AXDND1: variants seen among roughly 807,000 people sequenced by gnomAD.
The protein encoded by AXDND1 is axonemal dynein light chain domain containing 1, also known as axonemal dynein light chain domain-containing protein 1.
AXDND1 carries 110 observed loss-of-function variants against 137.5 expected under a neutral mutation model. That is an observed-to-expected ratio of 0.80 (90% CI 0.69 to 0.94). The LOEUF is 0.94. Ranked by LOEUF, AXDND1 falls within the 40% of genes least tolerant of loss-of-function variation. The pLI is 0.00. For synonymous variants in AXDND1, 414 were observed against 399.7 expected (o/e 1.04, Z -0.43); for missense variants, 1,191 against 1,169.8 (o/e 1.02, Z -0.26).
chr1:179,500,337 ATGTGTGTGTGTGTGTGTGTGTG>A (rs57654195), intron 20 of AXDND1, among the ~76,000 whole-genome samples: 2 of 133,814 alleles, frequency 1.5e-5, no homozygotes, highest in African/African-American at 2.8e-5. Context: ...AGGGTACATT[ATGTGTGTGTGTGTGTGTGTGTG>A]TGTGTGTGTG....
intron 7 of AXDND1, 35 bp downstream of exon 7, chr1:179,382,791 A>C: frequency 2.0e-6 from 3 of 1,492,704 alleles, no homozygotes; most frequent in Non-Finnish European, 1.9e-6. Flanking sequence ...TCTTTCTCAG[A>C]AAGAATACCT....
intron 20 of AXDND1, among the ~76,000 whole-genome samples, chr1:179,508,253 T>A (rs1052252900): frequency 6.6e-6 from 1 of 151,772 alleles, no homozygotes; most frequent in Admixed American, 6.6e-5. Flanking sequence ...GGAGGATCAC[T>A]TGAGCTTAGT....
In AXDND1 at chr1:179,492,858, T is replaced by C; in HGVS notation, c.2295T>C (p.Cys765=). 1 of 1,594,540 alleles carries C rather than the reference T, an allele frequency of 6.3e-7. No homozygotes were observed. Among genetic ancestry groups the C allele is most frequent in the East Asian group, 2.3e-5 (1 of 44,344 alleles). The part of the protein sequence containing the change: ...LYQYSSYLSS[C]CKGMVTAMAL... ...CTTTTTTTCCCCCTTTTTGCAGTTG[T>C]TGCAAAGGGATGGTAACAGCAATGG... Residue 765 remains cysteine, a synonymous_variant, in exon 20 of 26, where the codon TGT becomes TGC. Transcript: ENST00000367618.
intron 16 of AXDND1, among the ~76,000 whole-genome samples, chr1:179,461,233 T>A (rs1044531656): frequency 6.6e-6 from 1 of 152,160 alleles, no homozygotes; most frequent in Non-Finnish European, 1.5e-5. Context: ...TTGTATAAGG[T>A]GTAAGGAAGG....
At chr1:179,380,872 G>A (rs1353964534) in intron 6 of AXDND1, among the ~76,000 whole-genome samples, 1 of 152,020 alleles carries the variant, frequency 6.6e-6, no homozygotes, top group African/African-American at 2.4e-5. Context: ...TTGAGTCACT[G>A]GTTGTTTACA....
chr1:179,385,300 A>G lies in AXDND1; in HGVS notation c.804A>G (p.Glu268=), dbSNP rs1236133090. 2 of 1,613,540 alleles carry G rather than the reference A, an allele frequency of 1.2e-6. No homozygotes were observed. The highest frequency in any genetic ancestry group is 1.7e-6 in the Non-Finnish European group (2 of 1,179,470). ...EQTIYNMIFH[E]LIRQVSVDCA... The stretch of plus-strand genomic sequence containing the variant: ...CCATTTACAACATGATATTTCATGA[A>G]CTTATTCGACAAGTCAGTGTGGACT... The change falls in exon 9 of 26, where the codon GAA becomes GAG. Residue 268 remains glutamate, a synonymous_variant. Transcript: ENST00000367618.
intron 11 of AXDND1, among the ~76,000 whole-genome samples, chr1:179,406,739 T>A (rs150825330): frequency 1.8e-4 from 28 of 152,254 alleles, no homozygotes; most frequent in African/African-American, 6.5e-4. Context: ...TTAGGCTATA[T>A]ATGTTTTCGC....
chr1:179,416,529 C>G lies in AXDND1; in HGVS notation c.1230+5263C>G, dbSNP rs541617022. Reference sequence around the variant, plus strand: ...ACAGTGGCTATACTAATTTACATTCCCACCAACAGCGTACAAGTGGAGACA... The same window carrying G: ...ACAGTGGCTATACTAATTTACATTCGCACCAACAGCGTACAAGTGGAGACA... On this transcript the variant is annotated intron_variant, in intron 12 of 25. Transcript: ENST00000367618. 1.8e-3 allele frequency among the ~76,000 whole-genome samples: 277 copies of G among 152,252 alleles called. 2 individuals carry two copies. Among genetic ancestry groups the G allele is most frequent in the Non-Finnish European group, 3.0e-3 (201 of 68,028 alleles).
In AXDND1 at chr1:179,459,816, CTTCT is replaced by C. The variant is rs1165889056; in HGVS notation, c.1799-8626_1799-8623del. On this transcript the variant is annotated intron_variant, in intron 16 of 25. Coordinates refer to ENST00000367618, the MANE Select transcript of AXDND1 (RefSeq NM_144696.6). ...CTCTCTCTCTTTCTTTCCTTCCTTC[CTTCT>C]CTTTTTCTTTTCTTTTCTTTCCCTT... Among the ~76,000 whole-genome samples the C allele has an allele frequency of 1.4e-4, 14 of 98,816 alleles. 2 individuals carry two copies. The highest frequency in any genetic ancestry group is 2.4e-4 in the Non-Finnish European group (12 of 50,862). 64.8% of individuals were successfully genotyped at this position (98,816 alleles called of 152,430 possible).
chr1:179,366,498 G>A lies in AXDND1; in HGVS notation c.-12G>A. 1 of 1,590,220 alleles carries A rather than the reference G, an allele frequency of 6.3e-7. No individual in the cohort carries two copies. The highest frequency in any genetic ancestry group is 8.6e-7 in the Non-Finnish European group (1 of 1,158,622). ...TTTCAAATTACTAAAGAGATAGGAG[G>A]CATTGTTTATTATGTCTCTCCCGAA... On this transcript the variant is annotated 5_prime_UTR_variant, in exon 2 of 26. Transcript: ENST00000367618.
At chr1:179,491,802 CAGT>C (rs1666930236) in intron 19 of AXDND1, 65 bp downstream of exon 19, 12 of 1,347,156 alleles carry the variant, frequency 8.9e-6, no homozygotes, top group Middle Eastern at 1.9e-4. Context: ...AGAGAAGAGA[CAGT>C]GAAGTAGTAG....
intron 16 of AXDND1, among the ~76,000 whole-genome samples, chr1:179,465,889 G>A (rs1663088579): frequency 6.6e-6 from 1 of 152,208 alleles, no homozygotes; most frequent in Non-Finnish European, 1.5e-5. Flanking sequence ...CTAGCAGTGA[G>A]TGAGTCTCTG....
At chr1:179,509,769 A>G (rs1320004758) in intron 21 of AXDND1, among the ~76,000 whole-genome samples, 2 of 152,012 alleles carry the variant, frequency 1.3e-5, no homozygotes, top group Non-Finnish European at 2.9e-5. Context: ...CGAGCACTTA[A>G]TCCCATGTCC....
intron 25 of AXDND1, chr1:179,544,539 G>A (rs1352068737): frequency 6.6e-6 from 1 of 151,864 alleles, no homozygotes; most frequent in Non-Finnish European, 1.5e-5. Context: ...CAGGCATGGT[G>A]GTGCGCACTT....
rs758092613 is a variant in AXDND1, at chr1:179,551,167, T to C, written c.3032-3345T>C. 3 of 1,613,886 alleles carry C rather than the reference T, an allele frequency of 1.9e-6. 1 individual carries two copies. Among genetic ancestry groups the C allele is most frequent in the South Asian group, 2.2e-5 (2 of 91,082 alleles). On this transcript the variant is annotated intron_variant, in intron 25 of 25. Coordinates refer to ENST00000367618, the MANE Select transcript of AXDND1 (RefSeq NM_144696.6). Reference sequence around the variant, plus strand: ...CCCTTTACAGTCACATTATGCCCCATCCTTCCTATAACATGGGAGAGTCTT... The same window carrying C: ...CCCTTTACAGTCACATTATGCCCCACCCTTCCTATAACATGGGAGAGTCTT...
intron 25 of AXDND1, among the ~76,000 whole-genome samples, chr1:179,539,311 T>C (rs1171452986): frequency 6.6e-6 from 1 of 152,242 alleles, no homozygotes; most frequent in East Asian, 1.9e-4. Flanking sequence ...TTGGCATGTT[T>C]TTGCAGTGAC....
Position 179,468,600 on chromosome 1 carries a change from T to C in AXDND1, c.1956T>C (p.Leu652=). 6.2e-7 allele frequency: 1 copy of C among 1,612,432 alleles called. No homozygotes were observed. The highest frequency in any genetic ancestry group is 1.1e-5 in the South Asian group (1 of 90,880). ...CACACTTGGATATATTGTTAAACCT[T>C]ACTGGTATTGTTCCACAGCACATAG... ...MKSHLDILLN[L]TGIVPQHIDV... Residue 652 remains leucine (L), a synonymous_variant, in exon 17 of 26, where the codon CTT becomes CTC. Transcript: ENST00000367618.
At position 179,492,247 on chromosome 1, in the gene AXDND1, G is replaced by A. The variant is rs1213448850; in HGVS notation, c.2291+510G>A. Among the ~76,000 whole-genome samples the A allele has an allele frequency of 2.0e-5, 3 of 151,996 alleles. No individual in the cohort carries two copies. In the East Asian group the frequency reaches 5.8e-4, roughly 29 times the overall value. Reference sequence around the variant, plus strand: ...GCACCACGATGCCTGGGTAATTTTTGTATTTTTAGTAGAGGTAGAGTTTTG... The same window carrying A: ...GCACCACGATGCCTGGGTAATTTTTATATTTTTAGTAGAGGTAGAGTTTTG... On this transcript the variant is annotated intron_variant, in intron 19 of 25. Coordinates refer to ENST00000367618, the MANE Select transcript of AXDND1 (RefSeq NM_144696.6).
At chr1:179,465,511 A>T (rs943907823) in intron 16 of AXDND1, among the ~76,000 whole-genome samples, 2 of 152,172 alleles carry the variant, frequency 1.3e-5, no homozygotes, top group African/African-American at 4.8e-5. Context: ...ACCTGGCCGT[A>T]TGAGGTGTCA....
Sources: gnomAD v4.1 joint callset for allele counts (sites outside exome capture counted in the v4.1 genomes callset) on GRCh38, gnomAD v4.1.1 for gene constraint, MANE v1.5 for transcripts, NCBI Gene and HGNC (gene_info 2026-07-23, HGNC 2026-07-21) for gene names.